CEP41: variants seen among roughly 807,000 people sequenced by gnomAD.
The protein encoded by CEP41 is centrosomal protein 41, also known as centrosomal protein of 41 kDa.
CEP41 carries 32 observed loss-of-function variants against 44.3 expected under a neutral mutation model. That is an observed-to-expected ratio of 0.72 (90% confidence interval 0.54 to 0.97). The LOEUF is 0.97. Among genes scored for constraint, CEP41 ranks in the 50% least tolerant of loss-of-function variants. The pLI, the probability that CEP41 is intolerant of heterozygous loss-of-function variation, is 0.00. For missense variants in CEP41, 432 were observed against 455.2 expected (o/e 0.95, Z 0.46); for synonymous variants, 151 against 168.5 (o/e 0.90, Z 0.80).
chr7:130,437,037 T>C (rs951580330), intron 1 of CEP41, among the ~76,000 whole-genome samples: 1 of 151,608 alleles, frequency 6.6e-6, no homozygotes, highest in Non-Finnish European at 1.5e-5. Context: ...AGAGTTTATC[T>C]CAAAACAAAC....
intron 1 of CEP41, among the ~76,000 whole-genome samples, chr7:130,428,827 C>T (rs1344880540): frequency 1.3e-5 from 2 of 151,864 alleles, no homozygotes; most frequent in African/African-American, 4.8e-5. Context: ...AGAAGAATCA[C>T]TTGACCCCAG....
At chr7:130,406,547 G>A (rs557431783) in intron 5 of CEP41, among the ~76,000 whole-genome samples, 147 of 152,210 alleles carry the variant, frequency 9.7e-4, no homozygotes, top group African/African-American at 3.1e-3. Flanking sequence ...TCGTGCCACT[G>A]CACTGCAGCC....
chr7:130,429,819 C>T (rs956143276), intron 1 of CEP41, among the ~76,000 whole-genome samples: 6 of 152,180 alleles, frequency 3.9e-5, no homozygotes, highest in Non-Finnish European at 7.3e-5. Flanking sequence ...AATCTTCTTC[C>T]CTAGTCTAGG....
chr7:130,412,356 C>A, intron 3 of CEP41, 116 bp from the exon 4 acceptor site: 1 of 662,572 alleles, frequency 1.5e-6, no homozygotes, highest in African/African-American at 1.8e-5. Context: ...TCTATTATCT[C>A]ATTTGAGCCT....
At position 130,395,884 on chromosome 7, in the gene CEP41, A is replaced by G. The variant is rs1426989907; in HGVS notation, c.*3007T>C. On this transcript the variant is annotated 3_prime_UTR_variant, in exon 11 of 11. Coordinates refer to ENST00000223208, the MANE Select transcript of CEP41 (RefSeq NM_018718.3). The stretch of plus-strand genomic sequence containing the variant: ...TCCTGGCTAACCACTAAAGGTTAAA[A>G]AAAAAAAAAAAGATAAAAGATAAAA... The G allele has an allele frequency of 2.3e-6, 1 of 437,742 alleles. No homozygotes were observed. The highest frequency in any genetic ancestry group is 1.7e-5 in the South Asian group (1 of 59,638). The allele number at this position is 437,742 out of a possible 1,614,324, so 27.1% of individuals were successfully genotyped here.
chr7:130,425,297 CA>C (rs1797629263), intron 2 of CEP41, among the ~76,000 whole-genome samples: 1 of 152,146 alleles, frequency 6.6e-6, no homozygotes, highest in South Asian at 2.1e-4. Flanking sequence ...CCCGTAATTC[CA>C]GCTACTTGCA....
At chr7:130,410,921 G>C (rs540553190) in intron 5 of CEP41, 1 of 631,018 alleles carries the variant, frequency 1.6e-6, no homozygotes, top group South Asian at 1.9e-5. Context: ...GTAAGTGTTA[G>C]AGTCAGAAAA....
chr7:130,395,042 A>C lies in CEP41; in HGVS notation c.*3849T>G. ...CACAATGTGACAGACACCGTTTCGA[A>C]AACACATAAAATCATGCACCGAATC... On this transcript the variant is annotated 3_prime_UTR_variant, in exon 11 of 11. Coordinates refer to ENST00000223208, the MANE Select transcript of CEP41 (RefSeq NM_018718.3). 1 of 454,116 alleles carries C rather than the reference A, an allele frequency of 2.2e-6. No individual in the cohort carries two copies. The highest frequency in any genetic ancestry group is 4.4e-6 in the Non-Finnish European group (1 of 226,796). 28.1% of individuals were successfully genotyped at this position (454,116 alleles called of 1,614,324 possible). A position where few individuals can be genotyped will look rare whatever the true frequency, so the allele number is the denominator to read the frequency against.
chr7:130,421,845 C>G, intron 2 of CEP41: 1 of 1,438,648 alleles, frequency 7.0e-7, no homozygotes, highest in Non-Finnish European at 9.1e-7. Context: ...CCTTAATCAG[C>G]CTGCAGTGCT....
chr7:130,404,850 A>G (rs782533413), intron 5 of CEP41, 142 bp from the exon 6 acceptor site: 59 of 738,740 alleles, frequency 8.0e-5, no homozygotes, highest in Non-Finnish European at 1.2e-4. Flanking sequence ...ACAAGTTCCC[A>G]AAGTGTAGTG....
intron 5 of CEP41, among the ~76,000 whole-genome samples, chr7:130,405,071 C>T (rs1487313942): frequency 1.3e-5 from 2 of 152,174 alleles, no homozygotes; most frequent in East Asian, 1.9e-4. Flanking sequence ...CGCATGCATT[C>T]ACAGTAAATA....
chr7:130,436,719 CA>C (rs1261262357), intron 1 of CEP41, among the ~76,000 whole-genome samples: 1 of 150,866 alleles, frequency 6.6e-6, no homozygotes, highest in Non-Finnish European at 1.5e-5. Flanking sequence ...TACAACAGAG[CA>C]AAAAACAGAG....
At chr7:130,430,172 A>C (rs1463973911) in intron 1 of CEP41, among the ~76,000 whole-genome samples, 1 of 152,198 alleles carries the variant, frequency 6.6e-6, no homozygotes, top group Non-Finnish European at 1.5e-5. Flanking sequence ...TTTCAGGACC[A>C]GGGAGAATTT....
chr7:130,409,240 T>C (rs1797102650), intron 5 of CEP41, among the ~76,000 whole-genome samples: 1 of 152,118 alleles, frequency 6.6e-6, no homozygotes, highest in East Asian at 1.9e-4. Flanking sequence ...TGTAGAGCAC[T>C]AGAAAAACAC....
rs984768151 is a variant in CEP41 at position 130,399,034 on chromosome 7, G to A, written c.979C>T (p.Leu327=). 2.5e-6 allele frequency: 4 copies of A among 1,614,034 alleles called. No individual in the cohort carries two copies. The highest frequency in any genetic ancestry group is 3.4e-6 in the Non-Finnish European group (4 of 1,180,042). ...CTTCCGGAGGAGTTAGCTTGGTTCA[G>A]TCGGCCTGAAGGGAGCAAGAAAGAA... The part of the protein sequence containing the change: ...EQGPADHPSR[L]NQANSSGRES... The change falls in exon 11 of 11, where the codon CTG becomes TTG. Residue 327 remains leucine, a synonymous_variant. Coordinates refer to ENST00000223208, the MANE Select transcript of CEP41 (RefSeq NM_018718.3).
intron 8 of CEP41, chr7:130,401,057 G>C: frequency 2.0e-6 from 1 of 505,494 alleles, no homozygotes; most frequent in Non-Finnish European, 3.6e-6. Flanking sequence ...GACAGCACTA[G>C]TTCCGGACTT....
At chr7:130,436,896 G>A (rs903825093) in intron 1 of CEP41, among the ~76,000 whole-genome samples, 1 of 152,060 alleles carries the variant, frequency 6.6e-6, no homozygotes, top group Admixed American at 6.6e-5. Flanking sequence ...AAAATTAGCT[G>A]GGCGTGGTGG....
intron 3 of CEP41, among the ~76,000 whole-genome samples, chr7:130,414,788 A>G (rs1797284775): frequency 6.6e-6 from 1 of 152,256 alleles, no homozygotes; most frequent in African/African-American, 2.4e-5. Flanking sequence ...TTTTATAAAA[A>G]GGATGACTTG....
At chr7:130,429,589 C>T (rs1490242629) in intron 1 of CEP41, among the ~76,000 whole-genome samples, 1 of 152,166 alleles carries the variant, frequency 6.6e-6, no homozygotes, top group Admixed American at 6.5e-5. Flanking sequence ...CTTCTGCCAC[C>T]CTTCCTCATG....
Sources: allele counts gnomAD v4.1 joint callset (sites outside exome capture counted in the v4.1 genomes callset), GRCh38; gene constraint gnomAD v4.1.1; transcripts MANE v1.5; gene names NCBI Gene and HGNC (gene_info 2026-07-23, HGNC 2026-07-21).